GBX1: variants seen among roughly 807,000 people sequenced by gnomAD.
GBX1 encodes the protein homeobox protein GBX-1.
In GBX1, 9 loss-of-function variants were observed where a neutral mutation model predicts 22.9. The observed-to-expected ratio is 0.39, with a 90% confidence interval of 0.24 to 0.69. The LOEUF is 0.69. Ranked by LOEUF, GBX1 falls within the 30% of genes least tolerant of loss-of-function variation. The probability of loss-of-function intolerance (pLI) is 0.43; values close to 1 mark genes in which losing one functional copy is unlikely to be tolerated. For missense variants in GBX1, 494 were observed against 509.2 expected, an observed-to-expected ratio of 0.97 and a Z score of 0.29; for synonymous variants, 203 against 227.3, an observed-to-expected ratio of 0.89 and a Z score of 0.96.
Position 151,149,144 on chromosome 7 carries a change from T to G in GBX1, c.539-2A>C, listed in dbSNP as rs1801049107. On this transcript the variant is annotated splice_acceptor_variant, in intron 1 of 1. Transcript: ENST00000297537. LOFTEE classifies it high-confidence loss of function. ...CTGAGCTGTACACCTTCCCCTCTGC[T>G]GTGAGGAGCAAGAAGCCAATGGATG... 1.9e-6 allele frequency: 3 copies of G among 1,598,214 alleles called. No individual in the cohort carries two copies. In the East Asian group the frequency reaches 6.7e-5, roughly 36 times the overall value.
intron 1 of GBX1, among the ~76,000 whole-genome samples, chr7:151,153,078 T>C (rs546112205): frequency 6.6e-6 from 1 of 151,524 alleles, no homozygotes; most frequent in Admixed American, 6.6e-5. Flanking sequence ...GAAAGAAGAC[T>C]GGGGAAGGAA....
chr7:151,155,375 A>C (rs1233356796), intron 1 of GBX1, among the ~76,000 whole-genome samples: 1 of 152,182 alleles, frequency 6.6e-6, no homozygotes, highest in Non-Finnish European at 1.5e-5. Flanking sequence ...CATGCCCAAT[A>C]CAGAATTATT....
intron 1 of GBX1, among the ~76,000 whole-genome samples, chr7:151,166,481 C>A (rs797019405): frequency 2.4e-5 from 3 of 124,686 alleles, no homozygotes; most frequent in Non-Finnish European, 3.3e-5. Flanking sequence ...GCAACCCCCC[C>A]CCCCCAACAC....
chr7:151,148,457 C>T lies in GBX1; in HGVS notation c.*132G>A. ...GAGTCTGGGAAGAGCACACCCAGGG[C>T]TAGGTTAATTGCCAACTAGCCCCTC... is the stretch of plus-strand genomic sequence containing the variant. On this transcript the variant is annotated 3_prime_UTR_variant, in exon 2 of 2. Transcript: ENST00000297537. The surrounding 1 kb of genome is among the most constrained non-coding windows in gnomAD (Gnocchi z 5.1). The T allele has an allele frequency of 1.2e-6, 1 of 818,450 alleles. No individual in the cohort carries two copies. 50.7% of individuals were successfully genotyped at this position (818,450 alleles called of 1,614,324 possible). A position where few individuals can be genotyped will look rare whatever the true frequency, so the allele number is the denominator to read the frequency against.
At chr7:151,161,624 T>C (rs1379690122) in intron 1 of GBX1, among the ~76,000 whole-genome samples, 9 of 152,252 alleles carry the variant, frequency 5.9e-5, no homozygotes, top group African/African-American at 9.6e-5. Flanking sequence ...ATAATCATGT[T>C]TCTTTATTCA....
chr7:151,151,971 C>A (rs1215695792), intron 1 of GBX1, among the ~76,000 whole-genome samples: 1 of 152,190 alleles, frequency 6.6e-6, no homozygotes, highest in East Asian at 1.9e-4. Flanking sequence ...CCCTCTGATA[C>A]TCTCTATGTC....
In GBX1 at chr7:151,157,369, C is replaced by T. The variant is rs141061200; in HGVS notation, c.539-8227G>A. Among the ~76,000 whole-genome samples, 527 of 152,306 alleles carry T rather than the reference C, an allele frequency of 3.5e-3. 2 individuals are homozygous for T. The highest frequency in any genetic ancestry group is 0.012 in the African/African-American group (499 of 41,558). ...TAGTTTACAACTTTCTCCCTCATTC[C>T]TCATAGAGCTCTTTCTCGTATAGGT... On this transcript the variant is annotated intron_variant, in intron 1 of 1. Coordinates refer to ENST00000297537, the MANE Select transcript of GBX1 (RefSeq NM_001098834.3).
Position 151,159,262 on chromosome 7 carries a change from T to G in GBX1, c.538+7749A>C, listed in dbSNP as rs2150549776. 2.0e-5 allele frequency among the ~76,000 whole-genome samples: 3 copies of G among 152,188 alleles called. No individual in the cohort carries two copies. The Middle Eastern group carries it at 0.01, about 518-fold the overall frequency. On this transcript the variant is annotated intron_variant, in intron 1 of 1. Transcript: ENST00000297537. ...ACCACTGCTAGCTAATTTTCTGTAT[T>G]TTTTGTAGAGACGGGATTTTGCCAT...
chr7:151,156,385 C>CAAAAAAAAAAAAAAAAAAAAAAAAAA (rs56947735), intron 1 of GBX1, among the ~76,000 whole-genome samples: 1 of 15,926 alleles, frequency 6.3e-5, no homozygotes, highest in African/African-American at 1.8e-4. Context: ...GACCCTGTCT[C>CAAAAAAAAAAAAAAAAAAAAAAAAAA]AAAAAAAAAA....
intron 1 of GBX1, among the ~76,000 whole-genome samples, chr7:151,159,145 C>T (rs551979102): frequency 6.7e-6 from 1 of 150,266 alleles, no homozygotes; most frequent in African/African-American, 2.5e-5. Context: ...AGTGTAGTGG[C>T]ATGATCTTGG....
intron 1 of GBX1, among the ~76,000 whole-genome samples, chr7:151,160,325 C>T (rs1241595587): frequency 6.6e-6 from 1 of 152,144 alleles, no homozygotes; most frequent in Non-Finnish European, 1.5e-5. Flanking sequence ...ATTACATCTC[C>T]TTCCCTCAAT....
At position 151,148,701 on chromosome 7, in the gene GBX1, C is replaced by T. The variant is rs199515474; in HGVS notation, c.980G>A (p.Arg327His). The T allele has an allele frequency of 3.7e-4, 596 of 1,614,180 alleles. 1 individual carries two copies. The highest frequency in any genetic ancestry group is 4.6e-4 in the Non-Finnish European group (545 of 1,180,046). The change falls in exon 2 of 2, where the codon CGT becomes CAT. Residue 327 changes from arginine to histidine, a missense_variant. Arg to His is a conservative substitution (Grantham distance 29). Around this residue, in one of 3 missense-constraint regions of GBX1, gnomAD observed 124 missense variants for 152.0 expected, o/e 0.82. Coordinates refer to ENST00000297537, the MANE Select transcript of GBX1 (RefSeq NM_001098834.3). The surrounding 1 kb of genome is among the most constrained non-coding windows in gnomAD (Gnocchi z 5.1). ...KRIKAGNVSS[R>H]SGEPVRNPKI... The stretch of plus-strand genomic sequence containing the variant: ...GGGGTTTCTTACGGGCTCCCCAGAA[C>T]GGCTGCTCACATTGCCAGCTTTGAT...
intron 1 of GBX1, chr7:151,150,029 G>A (rs1371686043): frequency 2.3e-6 from 1 of 433,888 alleles, no homozygotes; most frequent in Non-Finnish European, 4.7e-6. Flanking sequence ...GGACTGGAAG[G>A]AATATGGGAG....
At chr7:151,159,545 T>C (rs1801170343) in intron 1 of GBX1, among the ~76,000 whole-genome samples, 5 of 152,120 alleles carry the variant, frequency 3.3e-5, no homozygotes, top group Admixed American at 3.3e-4. Flanking sequence ...CCACCATACC[T>C]GGCAAATTTC....
chr7:151,156,280 G>A (rs986516791), intron 1 of GBX1, among the ~76,000 whole-genome samples: 13 of 150,456 alleles, frequency 8.6e-5, no homozygotes, highest in East Asian at 4.0e-4. Flanking sequence ...CCAACTACTC[G>A]GGAGGCTGAG....
chr7:151,160,786 C>G (rs1306269372), intron 1 of GBX1, among the ~76,000 whole-genome samples: 1 of 152,186 alleles, frequency 6.6e-6, no homozygotes. Context: ...ATAACTTTCT[C>G]CCAACAAGCT....
At chr7:151,161,714 G>C (rs563213196) in intron 1 of GBX1, among the ~76,000 whole-genome samples, 5 of 152,096 alleles carry the variant, frequency 3.3e-5, no homozygotes, top group Admixed American at 6.5e-5. Context: ...CATCATGCAC[G>C]CTGAAACAAC....
At chr7:151,163,266 C>T (rs534357193) in intron 1 of GBX1, among the ~76,000 whole-genome samples, 3 of 152,016 alleles carry the variant, frequency 2.0e-5, no homozygotes, top group East Asian at 3.9e-4. Context: ...GTCAGACACA[C>T]GAGATAATCT....
Position 151,167,383 on chromosome 7 carries a change from C to A in GBX1, c.166G>T (p.Val56Leu), listed in dbSNP as rs1476769723. The A allele has an allele frequency of 1.3e-6, 2 of 1,511,150 alleles. No individual in the cohort carries two copies. Among genetic ancestry groups the A allele is most frequent in the African/African-American group, 1.5e-5 (1 of 68,382 alleles). 93.6% of individuals were successfully genotyped at this position (1,511,150 alleles called of 1,614,324 possible). ...GCAGGGGCCAGCGCCTGCGGCAGCA[C>A]GAGCGGCCGGTAGGGCATGAACATG... ...YPMFMPYRPL[V>L]LPQALAPAPL... Residue 56 changes from valine to leucine, a missense_variant, in exon 1 of 2, where the codon GTG (valine) becomes TTG (leucine). This residue lies in a region of GBX1 where 365 missense variants were observed against 340.4 expected (regional missense o/e 1.07). Transcript: ENST00000297537. This position sits in a 1 kb window ranked among gnomAD's most constrained non-coding sequence, Gnocchi z 5.9.
Sources: gnomAD v4.1 joint callset for allele counts (sites outside exome capture counted in the v4.1 genomes callset) on GRCh38, gnomAD v4.1.1 for gene constraint, gnomAD v4.1.1 regional missense constraint, Gnocchi (gnomAD v3.1) non-coding constraint, MANE v1.5 for transcripts, NCBI Gene and HGNC (gene_info 2026-07-23, HGNC 2026-07-21) for gene names.